The following SVIP variants were observed in gnomAD, a reference collection of about 807,000 sequenced individuals.
The protein encoded by SVIP is small VCP/p97-interacting protein.
A neutral mutation model predicts 12.9 loss-of-function variants in SVIP; 14 were observed. The observed-to-expected ratio is 1.08, with a 90% CI of 0.72 to 1.70. The LOEUF (loss-of-function observed/expected upper bound fraction) is 1.70, where lower values mean the gene tolerates loss of function less well. Among genes scored for constraint, SVIP ranks in the 40% most tolerant of loss-of-function variants. The probability of loss-of-function intolerance (pLI) is 0.00; values close to 1 mark genes in which losing one functional copy is unlikely to be tolerated. For missense variants in SVIP, 93 were observed against 90.8 expected (o/e 1.02, Z -0.10); for synonymous variants, 35 against 33.3 (o/e 1.05, Z -0.17).
rs191821305 is a variant in SVIP, at chr11:22,820,308, G to T, written c.*2811C>A. On this transcript the variant is annotated 3_prime_UTR_variant, in exon 4 of 4. Transcript: ENST00000354193. ...ATAAAAAGTCAAACATTTGGAGAAA[G>T]GGAAAATTCAAAGTTCATGTCCATT... 1.3e-5 allele frequency: 2 copies of T among 152,282 alleles called. No individual in the cohort carries two copies. Among genetic ancestry groups the T allele is most frequent in the Non-Finnish European group, 2.9e-5 (2 of 68,008 alleles). 9.4% of individuals were successfully genotyped at this position (152,282 alleles called of 1,614,324 possible).
At chr11:22,829,239 A>G (rs934522085) in intron 1 of SVIP, 1 of 156,562 alleles carries the variant, frequency 6.4e-6, no homozygotes, top group African/African-American at 2.4e-5. Context: ...TCAGGCGTAT[A>G]AGCGACTTTC....
In SVIP at chr11:22,822,512, A is replaced by C. The variant is rs961102267; in HGVS notation, c.*607T>G. ...AAAATCCTTTATCATAAAGTAAAAC[A>C]GGGTATGTTAATTTTATAAGCTACA... On this transcript the variant is annotated 3_prime_UTR_variant, in exon 4 of 4. Coordinates refer to ENST00000354193, the MANE Select transcript of SVIP (RefSeq NM_148893.3). 1 of 152,178 alleles carries C rather than the reference A, an allele frequency of 6.6e-6. No individual in the cohort carries two copies. Among genetic ancestry groups the C allele is most frequent in the East Asian group, 1.9e-4 (1 of 5,206 alleles). 9.4% of individuals were successfully genotyped at this position (152,178 alleles called of 1,614,324 possible).
In SVIP at chr11:22,826,622, C is replaced by T. The variant is rs148535199; in HGVS notation, c.219+585G>A. ...TCCAGCATTCAGAGACTCTGCTTAA[C>T]TTGTCCACCATTATATTCCCAGTGT... On this transcript the variant is annotated intron_variant, in intron 3 of 3. Transcript: ENST00000354193. 5.3e-3 allele frequency among the ~76,000 whole-genome samples: 810 copies of T among 152,222 alleles called. 10 individuals carry two copies. The highest frequency in any genetic ancestry group is 0.018 in the African/African-American group (766 of 41,548).
At chr11:22,828,692 T>C (rs1304228787) in intron 1 of SVIP, among the ~76,000 whole-genome samples, 3 of 152,098 alleles carry the variant, frequency 2.0e-5, no homozygotes, top group African/African-American at 7.2e-5. Context: ...TGTTATATTT[T>C]ATCGACAGCC....
At position 22,827,071 on chromosome 11, in the gene SVIP, T is replaced by C; in HGVS notation, c.219+136A>G. Reference sequence around the variant, plus strand: ...TAAAATAAATTGGTATTACTTCCAATATTTACTACTCATGCTTTTAAACTA... The same window carrying C: ...TAAAATAAATTGGTATTACTTCCAACATTTACTACTCATGCTTTTAAACTA... On this transcript the variant is annotated intron_variant, in intron 3 of 3. Transcript: ENST00000354193. The C allele has an allele frequency of 4.6e-6, 3 of 650,164 alleles. No individual in the cohort carries two copies. In the South Asian group the frequency reaches 5.6e-5, roughly 12 times the overall value. 40.3% of individuals were successfully genotyped at this position (650,164 alleles called of 1,614,324 possible).
chr11:22,823,074 T>A lies in SVIP; in HGVS notation c.*45A>T, dbSNP rs745868442. The A allele has an allele frequency of 6.6e-7, 1 of 1,518,290 alleles. No individual in the cohort carries two copies. The highest frequency in any genetic ancestry group is 9.0e-7 in the Non-Finnish European group (1 of 1,117,256). The allele number at this position is 1,518,290 out of a possible 1,614,324, so 94.1% of individuals were successfully genotyped here. A position where few individuals can be genotyped will look rare whatever the true frequency, so the allele number is the denominator to read the frequency against. Reference sequence around the variant, plus strand: ...TTGATGAAGCCCACTTGATTGCAGATAATAAACAGTTATTGGCAGTAGATT... The same window carrying A: ...TTGATGAAGCCCACTTGATTGCAGAAAATAAACAGTTATTGGCAGTAGATT... On this transcript the variant is annotated 3_prime_UTR_variant, in exon 4 of 4. Transcript: ENST00000354193.
rs1294453841 is a variant in SVIP, at chr11:22,821,031, G to A, written c.*2088C>T. The A allele has an allele frequency of 2.7e-5, 4 of 150,444 alleles. No individual in the cohort carries two copies. The highest frequency in any genetic ancestry group is 7.3e-5 in the African/African-American group (3 of 41,000). The allele number at this position is 150,444 out of a possible 1,614,324, so 9.3% of individuals were successfully genotyped here. A position where few individuals can be genotyped will look rare whatever the true frequency, so the allele number is the denominator to read the frequency against. On this transcript the variant is annotated 3_prime_UTR_variant, in exon 4 of 4. Coordinates refer to ENST00000354193, the MANE Select transcript of SVIP (RefSeq NM_148893.3). The stretch of plus-strand genomic sequence containing the variant: ...TATTTTATGAGGGAGATGTCTGGAC[G>A]TATGTGTGTATGTGCATGTGTGTGT...
rs1440918919 is a variant in SVIP, at chr11:22,819,236, T to C, written c.*3883A>G. ...ATAATGTAACTATGTCTAAGAAATA[T>C]AGACAGAGAAAAGGGCATTTTAGGA... On this transcript the variant is annotated 3_prime_UTR_variant, in exon 4 of 4. Transcript: ENST00000354193. The C allele has an allele frequency of 2.0e-5, 3 of 152,142 alleles. No homozygotes were observed. The highest frequency in any genetic ancestry group is 6.5e-5 in the Admixed American group (1 of 15,274). The allele number at this position is 152,142 out of a possible 1,614,324, so 9.4% of individuals were successfully genotyped here.
At chr11:22,826,814 T>C (rs996755376) in intron 3 of SVIP, among the ~76,000 whole-genome samples, 1 of 152,160 alleles carries the variant, frequency 6.6e-6, no homozygotes, top group Admixed American at 6.5e-5. Context: ...ACAGAACTTA[T>C]AGCGTAATCC....
chr11:22,828,233 C>T (rs752537320), intron 1 of SVIP, among the ~76,000 whole-genome samples: 6 of 152,052 alleles, frequency 3.9e-5, no homozygotes. Flanking sequence ...CTGAAGTAAC[C>T]TGGTGTTTTT....
At chr11:22,829,569 C>T (rs1278004179) in intron 1 of SVIP, 126 bp downstream of exon 1, 2 of 999,062 alleles carry the variant, frequency 2.0e-6, no homozygotes, top group Admixed American at 4.6e-5. Flanking sequence ...CACCCGTCCT[C>T]GCTAGCAGGG....
intron 3 of SVIP, among the ~76,000 whole-genome samples, chr11:22,823,500 G>C (rs1011953549): frequency 6.6e-6 from 1 of 152,124 alleles, no homozygotes; most frequent in Admixed American, 6.6e-5. Flanking sequence ...CCTAAAGACA[G>C]GACGTCCTTC....
chr11:22,827,157 T>G (rs756126844), intron 3 of SVIP, 50 bp downstream of exon 3: 1 of 1,432,570 alleles, frequency 7.0e-7, no homozygotes, highest in Non-Finnish European at 9.8e-7. Flanking sequence ...CTACTTAAGT[T>G]TTTTTAAAAT....
Position 22,822,095 on chromosome 11 carries a change from G to A in SVIP, c.*1024C>T, listed in dbSNP as rs1319383391. On this transcript the variant is annotated 3_prime_UTR_variant, in exon 4 of 4. Coordinates refer to ENST00000354193, the MANE Select transcript of SVIP (RefSeq NM_148893.3). ...TCTTTTATTTCAGTGTATTATATAG[G>A]AGAAACAAAAAATGCTATAAAATTC... is the stretch of plus-strand genomic sequence containing the variant. The A allele has an allele frequency of 1.3e-5, 2 of 152,006 alleles. No individual in the cohort carries two copies. Among genetic ancestry groups the A allele is most frequent in the Non-Finnish European group, 2.9e-5 (2 of 67,940 alleles). 9.4% of individuals were successfully genotyped at this position (152,006 alleles called of 1,614,324 possible). A position where few individuals can be genotyped will look rare whatever the true frequency, so the allele number is the denominator to read the frequency against.
chr11:22,827,913 CATTATT>C, intron 1 of SVIP, 39 bp from the exon 2 acceptor site: 1 of 1,361,960 alleles, frequency 7.3e-7, no homozygotes, highest in Non-Finnish European at 9.9e-7. Context: ...AAATAACAAA[CATTATT>C]ATTAATAAAT....
At chr11:22,824,658 A>C (rs1857627361) in intron 3 of SVIP, among the ~76,000 whole-genome samples, 1 of 152,104 alleles carries the variant, frequency 6.6e-6, no homozygotes, top group Admixed American at 6.5e-5. Flanking sequence ...AGTCTACAAT[A>C]TACAATTTAG....
rs1178101830 is a variant in SVIP, at chr11:22,822,040, G to C, written c.*1079C>G. ...CAACATGTGGCCTTGCCATTTAAAAGAGCTATCAGCCTTAATAGCTAACAC... is the reference window on the plus strand; with the variant it reads ...CAACATGTGGCCTTGCCATTTAAAACAGCTATCAGCCTTAATAGCTAACAC... On this transcript the variant is annotated 3_prime_UTR_variant, in exon 4 of 4. Coordinates refer to ENST00000354193, the MANE Select transcript of SVIP (RefSeq NM_148893.3). The C allele has an allele frequency of 6.6e-6, 1 of 152,128 alleles. No individual in the cohort carries two copies. Among genetic ancestry groups the C allele is most frequent in the East Asian group, 1.9e-4 (1 of 5,196 alleles). 9.4% of individuals were successfully genotyped at this position (152,128 alleles called of 1,614,324 possible).
chr11:22,829,622 TCGGC>T, intron 1 of SVIP, 69 bp downstream of exon 1: 1 of 1,476,148 alleles, frequency 6.8e-7, no homozygotes. Context: ...GTACAATGGC[TCGGC>T]CCGCCCCGCA....
rs1857435170 is a variant in SVIP, at chr11:22,820,372, GTAT to G, written c.*2744_*2746del. On this transcript the variant is annotated 3_prime_UTR_variant, in exon 4 of 4. Coordinates refer to ENST00000354193, the MANE Select transcript of SVIP (RefSeq NM_148893.3). ...AAGGATAGACAGAATTTTTATGATA[GTAT>G]TATTTCTTTAGGAAAAAACAGGATA... 1.3e-5 allele frequency: 2 copies of G among 152,170 alleles called. No individual in the cohort carries two copies. Among genetic ancestry groups the G allele is most frequent in the African/African-American group, 4.8e-5 (2 of 41,460 alleles). 9.4% of individuals were successfully genotyped at this position (152,170 alleles called of 1,614,324 possible).
Sources: allele counts gnomAD v4.1 joint callset (sites outside exome capture counted in the v4.1 genomes callset), GRCh38; gene constraint gnomAD v4.1.1; transcripts MANE v1.5; gene names NCBI Gene and HGNC (gene_info 2026-07-23, HGNC 2026-07-21).